The following MCC variants were observed in gnomAD, a reference collection of about 807,000 sequenced individuals.
The protein encoded by MCC is colorectal mutant cancer protein.
A neutral mutation model predicts 116.2 loss-of-function variants in MCC; 90 were observed. The ratio of observed to expected loss-of-function variants is 0.77; its 90% CI spans 0.65 to 0.92. The LOEUF (loss-of-function observed/expected upper bound fraction) is 0.92. Among genes scored for constraint, MCC ranks in the 40% least tolerant of loss-of-function variants. The pLI is 0.00. For synonymous variants in MCC, 578 were observed against 510.5 expected (o/e 1.13, Z -1.78); for missense variants, 1,516 against 1,312.2 (o/e 1.16, Z -2.40).
chr5:113,443,873 G>A (rs1771124024), intron 1 of MCC, among the ~76,000 whole-genome samples: 1 of 152,050 alleles, frequency 6.6e-6, no homozygotes, highest in Non-Finnish European at 1.5e-5. Flanking sequence ...ACCCAGGCTG[G>A]AGTGCAGTGG....
chr5:113,039,858 C>T (rs1045136416), intron 17 of MCC, among the ~76,000 whole-genome samples: 1 of 151,868 alleles, frequency 6.6e-6, no homozygotes, highest in Admixed American at 6.6e-5. Context: ...CATGTGAGTA[C>T]AAAAAAGGAG....
intron 17 of MCC, among the ~76,000 whole-genome samples, chr5:113,041,628 C>G (rs931804699): frequency 6.6e-6 from 1 of 152,066 alleles, no homozygotes; most frequent in Non-Finnish European, 1.5e-5. Context: ...TCTGATATGA[C>G]CCAGCTGACA....
chr5:113,115,354 C>T (rs1391907223), intron 6 of MCC, among the ~76,000 whole-genome samples: 1 of 152,206 alleles, frequency 6.6e-6, no homozygotes, highest in Non-Finnish European at 1.5e-5. Context: ...CTATAGATCT[C>T]TGTTTCTTTT....
At chr5:113,303,231 G>A (rs957203211) in intron 3 of MCC, among the ~76,000 whole-genome samples, 1 of 152,136 alleles carries the variant, frequency 6.6e-6, no homozygotes, top group Non-Finnish European at 1.5e-5. Flanking sequence ...GGAACTTATT[G>A]GCATATAGAT....
At chr5:113,248,787 G>A (rs541584000) in intron 3 of MCC, among the ~76,000 whole-genome samples, 1 of 151,568 alleles carries the variant, frequency 6.6e-6, no homozygotes, top group Admixed American at 6.6e-5. Flanking sequence ...AATGTTCCCT[G>A]GTTCTCAGTG....
chr5:113,218,434 C>G (rs1462509940), intron 3 of MCC, among the ~76,000 whole-genome samples: 3 of 152,068 alleles, frequency 2.0e-5, no homozygotes, highest in Non-Finnish European at 4.4e-5. Flanking sequence ...CCTCCTTGTT[C>G]CTGACATTAC....
intron 2 of MCC, among the ~76,000 whole-genome samples, chr5:113,373,515 T>G (rs1289797047): frequency 6.6e-6 from 1 of 152,230 alleles, no homozygotes; most frequent in Non-Finnish European, 1.5e-5. Flanking sequence ...TCAGCTGTTT[T>G]GTACTTACAT....
intron 18 of MCC, 23 bp downstream of exon 18, chr5:113,028,911 G>A: frequency 6.2e-7 from 1 of 1,608,870 alleles, no homozygotes; most frequent in Middle Eastern, 1.7e-4. Flanking sequence ...GGCGGTGGGG[G>A]CTGGGTATAG....
chr5:113,408,579 G>A (rs1429954788), intron 1 of MCC, among the ~76,000 whole-genome samples: 1 of 152,186 alleles, frequency 6.6e-6, no homozygotes, highest in African/African-American at 2.4e-5. Context: ...GTAGTCGTGA[G>A]ACCAGCAGCA....
chr5:113,186,706 C>T (rs1020597621), intron 3 of MCC, among the ~76,000 whole-genome samples: 1 of 152,112 alleles, frequency 6.6e-6, no homozygotes, highest in Non-Finnish European at 1.5e-5. Context: ...CCTGGGATGT[C>T]GAAAAAGCTT....
chr5:113,167,575 A>AT (rs920439430), intron 3 of MCC, among the ~76,000 whole-genome samples: 5 of 152,038 alleles, frequency 3.3e-5, no homozygotes, highest in African/African-American at 1.2e-4. Flanking sequence ...TTTTAAAACA[A>AT]TTTTTTTCTG....
chr5:113,105,141 C>T (rs992382099), intron 6 of MCC, among the ~76,000 whole-genome samples: 4 of 152,212 alleles, frequency 2.6e-5, no homozygotes, highest in African/African-American at 9.6e-5. Context: ...GTTTTGGATT[C>T]TGTCTATCGC....
chr5:113,132,417 T>C (rs868223365), intron 5 of MCC, among the ~76,000 whole-genome samples: 46 of 121,256 alleles, frequency 3.8e-4, no homozygotes, highest in Admixed American at 1.6e-3. Context: ...CATATATATA[T>C]ACACACATAC....
chr5:113,476,881 GTTAA>G (rs2150434131), intron 1 of MCC, among the ~76,000 whole-genome samples: 1 of 152,260 alleles, frequency 6.6e-6, no homozygotes, highest in Admixed American at 6.5e-5. Flanking sequence ...CTTTAAATGG[GTTAA>G]TTATGTAGTA....
At chr5:113,392,358 A>T (rs1769422814) in intron 1 of MCC, among the ~76,000 whole-genome samples, 1 of 152,222 alleles carries the variant, frequency 6.6e-6, no homozygotes. Context: ...TATAAGGAAA[A>T]CGTAATTTTA....
At chr5:113,151,938 T>C (rs772498978) in intron 3 of MCC, among the ~76,000 whole-genome samples, 2 of 152,188 alleles carry the variant, frequency 1.3e-5, no homozygotes, top group East Asian at 3.8e-4. Flanking sequence ...ATTTTTTAGA[T>C]GGTCTCCTTG....
At chr5:113,051,902 G>C (rs944558533) in intron 15 of MCC, among the ~76,000 whole-genome samples, 9 of 152,058 alleles carry the variant, frequency 5.9e-5, no homozygotes, top group African/African-American at 1.9e-4. Context: ...ATTTGGTATG[G>C]GTGAGCACAC....
chr5:113,416,840 T>A (rs1209541231), intron 1 of MCC, among the ~76,000 whole-genome samples: 2 of 152,132 alleles, frequency 1.3e-5, no homozygotes, highest in African/African-American at 2.4e-5. Flanking sequence ...ACAATTAAAA[T>A]AAATCGTCAA....
At position 113,250,256 on chromosome 5, in the gene MCC, G is replaced by A. The variant is rs73244789; in HGVS notation, c.627+90263C>T. Among the ~76,000 whole-genome samples the A allele has an allele frequency of 1.1e-3, 166 of 152,332 alleles. 1 individual carries two copies. Among genetic ancestry groups the A allele is most frequent in the African/African-American group, 3.5e-3 (147 of 41,588 alleles). ...TGTCTGAGGACAGAGTCACCAAGGAGCATCTTCCTTAGGATTCTCACTCTG... is the reference window on the plus strand; with the variant it reads ...TGTCTGAGGACAGAGTCACCAAGGAACATCTTCCTTAGGATTCTCACTCTG... On this transcript the variant is annotated intron_variant, in intron 3 of 18. Coordinates refer to ENST00000408903, the MANE Select transcript of MCC (RefSeq NM_001085377.2).
Sources: allele counts gnomAD v4.1 joint callset (sites outside exome capture counted in the v4.1 genomes callset), GRCh38; gene constraint gnomAD v4.1.1; transcripts MANE v1.5; gene names NCBI Gene and HGNC (gene_info 2026-07-23, HGNC 2026-07-21).